The following OFD1 variants were observed in gnomAD, a reference collection of about 807,000 sequenced individuals.
OFD1 encodes the protein OFD1 centriole and centriolar satellite protein.
In OFD1, 12 loss-of-function variants were observed where a neutral mutation model predicts 81.4. The ratio of observed to expected loss-of-function variants is 0.15; its 90% CI spans 0.09 to 0.24. OFD1 has a LOEUF of 0.24. Ranked by LOEUF, OFD1 falls within the 10% of genes least tolerant of loss-of-function variation. OFD1 has a pLI of 1.00. For missense variants in OFD1, 685 were observed against 733.9 expected (o/e 0.93, Z 0.77); for synonymous variants, 256 against 263.7 (o/e 0.97, Z 0.28).
rs772233258 is a variant in OFD1 at position 13,768,781 on chromosome X, G to C, written c.2992G>C (p.Glu998Gln). 1.7e-6 allele frequency: 2 copies of C among 1,200,225 alleles called. No homozygotes were observed. Among genetic ancestry groups the C allele is most frequent in the East Asian group, 3.0e-5 (1 of 33,788 alleles). ...VDTLQSSDKV[E>Q]SLTGFSHEEL... is the part of the protein sequence containing the mutation. Reference sequence around the variant, plus strand: ...CACGCTGCAATCTAGTGACAAAGTCGAAAGGTACCTGTTTTCCCTACACAC... The same window carrying C: ...CACGCTGCAATCTAGTGACAAAGTCCAAAGGTACCTGTTTTCCCTACACAC... The change falls in exon 22 of 23, where the codon GAA becomes CAA. Residue 998 changes from glutamate to glutamine, a missense_variant. By Grantham distance (29) the Glu-to-Gln change is conservative. Around this residue, in one of 3 missense-constraint regions of OFD1, gnomAD observed 259 missense variants for 254.4 expected, o/e 1.02. Coordinates refer to ENST00000340096, the MANE Select transcript of OFD1 (RefSeq NM_003611.3).
chrX:13,746,310 T>A lies in OFD1; in HGVS notation c.518-9T>A. 8.3e-6 allele frequency: 10 copies of A among 1,206,282 alleles called. No homozygotes were observed. The highest frequency in any genetic ancestry group is 1.1e-5 in the Non-Finnish European group (10 of 891,607). On this transcript the variant is annotated splice_polypyrimidine_tract_variant and intron_variant, in intron 6 of 22. Coordinates refer to ENST00000340096, the MANE Select transcript of OFD1 (RefSeq NM_003611.3). Reference sequence around the variant, plus strand: ...CTATGTCCTAATTTGATGTGTTATTTTTTAATAGCTGAGAAGCTTCAGCTT... The same window carrying A: ...CTATGTCCTAATTTGATGTGTTATTATTTAATAGCTGAGAAGCTTCAGCTT...
intron 10 of OFD1, among the ~76,000 whole-genome samples, chrX:13,752,100 T>C (rs1222220307): frequency 8.9e-6 from 1 of 112,242 alleles, no homozygotes; most frequent in Non-Finnish European, 1.9e-5. Context: ...TCAGTGAACA[T>C]GTGCCTTGTA....
chrX:13,728,911 T>A, the OFD1 span, among the ~76,000 whole-genome samples: 1 of 112,154 alleles, frequency 8.9e-6, no homozygotes, highest in East Asian at 2.8e-4. Flanking sequence ...AGTCGCAGGA[T>A]ACAAAATCAA....
chrX:13,742,960 C>T (rs759641936), intron 5 of OFD1, among the ~76,000 whole-genome samples: 1 of 112,022 alleles, frequency 8.9e-6, no homozygotes, highest in South Asian at 3.7e-4. Flanking sequence ...AAAATCTAAT[C>T]CCCTTCCTGA....
In OFD1 at chrX:13,753,761, C is replaced by T. The variant is rs1181184541; in HGVS notation, c.1129+320C>T. ...AGCAGCAACTTATTGCTGTCAAGTA[C>T]GTATTACTCCTAACCATGAGAGACT... is the stretch of plus-strand genomic sequence containing the variant. On this transcript the variant is annotated intron_variant, in intron 11 of 22. Coordinates refer to ENST00000340096, the MANE Select transcript of OFD1 (RefSeq NM_003611.3). 2.7e-5 allele frequency among the ~76,000 whole-genome samples: 3 copies of T among 110,174 alleles called. 1 individual carries two copies. The highest frequency in any genetic ancestry group is 5.7e-5 in the Non-Finnish European group (3 of 52,945).
At chrX:13,741,138 CAAAA>C (rs35393754) in intron 5 of OFD1, among the ~76,000 whole-genome samples, 1 of 97,502 alleles carries the variant, frequency 1.0e-5, no homozygotes, top group Admixed American at 1.1e-4. Context: ...GACTCCGTCT[CAAAA>C]AAAAAAAAAT....
chrX:13,757,616 G>A (rs753280317), intron 13 of OFD1, 44 bp from the exon 14 acceptor site: 6 of 1,177,764 alleles, frequency 5.1e-6, no homozygotes, highest in Non-Finnish European at 6.8e-6. Context: ...GAAAACTTAA[G>A]GTTGGTAATG....
rs2048254943 is a variant in OFD1, at chrX:13,769,262, AGT to A, written c.*160_*161del. On this transcript the variant is annotated 3_prime_UTR_variant, in exon 23 of 23. Coordinates refer to ENST00000340096, the MANE Select transcript of OFD1 (RefSeq NM_003611.3). ...TTTCCATAATTAATTTTGATACCAT[AGT>A]GTGTGAACCAAGAATAATCTAGTCA... is the stretch of plus-strand genomic sequence containing the variant. The A allele has an allele frequency of 2.0e-6, 1 of 506,280 alleles. No individual in the cohort carries two copies. The highest frequency in any genetic ancestry group is 3.4e-5 in the East Asian group (1 of 29,682). 41.7% of individuals were successfully genotyped at this position (506,280 alleles called of 1,213,427 possible). A position where few individuals can be genotyped will look rare whatever the true frequency, so the allele number is the denominator to read the frequency against.
At chrX:13,753,562 T>G (rs374520531) in intron 11 of OFD1, 121 bp downstream of exon 11, 2 of 636,387 alleles carry the variant, frequency 3.1e-6, no homozygotes, top group African/African-American at 2.2e-5. Context: ...TCATACAAAA[T>G]TACACATTTT....
intron 3 of OFD1, among the ~76,000 whole-genome samples, chrX:13,738,315 G>A (rs1325315737): frequency 1.8e-5 from 2 of 112,535 alleles, no homozygotes; most frequent in Admixed American, 1.9e-4. Context: ...TACTTTAAAG[G>A]AAAACCAATT....
At chrX:13,769,544 C>T (rs1223760239), downstream of OFD1, among the ~76,000 whole-genome samples, 1 of 111,340 alleles carries the variant, frequency 9.0e-6, no homozygotes, top group Non-Finnish European at 1.9e-5. Flanking sequence ...TTTTTCTAGG[C>T]ATTAGAAATA....
intron 16 of OFD1, 127 bp downstream of exon 16, chrX:13,760,847 G>A (rs996873298): frequency 5.5e-6 from 5 of 917,072 alleles, no homozygotes; most frequent in African/African-American, 2.0e-5. Context: ...ACACAGAGCT[G>A]TTTAGAGAGT....
In OFD1 at chrX:13,763,906, A is replaced by C. The variant is rs767449543; in HGVS notation, c.2599+51A>C. On this transcript the variant is annotated intron_variant, in intron 19 of 22. Transcript: ENST00000340096. ...TCAGCAGGGTCGCATACTAAATACC[A>C]GTCCGTGTGCTCTGTGAATTATTTC... 32 of 886,604 alleles carry C rather than the reference A, an allele frequency of 3.6e-5. No homozygotes were observed. The Admixed American group carries it at 7.1e-4, about 20-fold the overall frequency. The allele number at this position is 886,604 out of a possible 1,213,427, so 73.1% of individuals were successfully genotyped here. A position where few individuals can be genotyped will look rare whatever the true frequency, so the allele number is the denominator to read the frequency against.
chrX:13,721,498 A>T, the OFD1 span: 1 of 112,113 alleles, frequency 8.9e-6, no homozygotes, highest in Non-Finnish European at 1.9e-5. Flanking sequence ...GAAATCAAGT[A>T]AACCGGGAGT....
chrX:13,744,312 T>G lies in OFD1; in HGVS notation c.413-103T>G, dbSNP rs1463133982. The G allele has an allele frequency of 2.5e-5, 13 of 514,917 alleles. No individual in the cohort carries two copies. In the South Asian group the frequency reaches 3.2e-4, roughly 13 times the overall value. The allele number at this position is 514,917 out of a possible 1,213,427, so 42.4% of individuals were successfully genotyped here. On this transcript the variant is annotated intron_variant, in intron 5 of 22. Transcript: ENST00000340096. ...TTGTCTCTAAAAAAAAGGAAAGATA[T>G]ATAATGTAAAAAATGATAATGTCCT...
intron 5 of OFD1, among the ~76,000 whole-genome samples, chrX:13,741,864 C>T (rs1474859771): frequency 1.8e-5 from 2 of 111,702 alleles, no homozygotes; most frequent in African/African-American, 6.5e-5. Flanking sequence ...CAGAACAAGT[C>T]ATAATGGTGG....
At chrX:13,717,034 T>TAAAAAA in the OFD1 span, among the ~76,000 whole-genome samples, 32 of 37,941 alleles carry the variant, frequency 8.4e-4, 1 homozygote, top group East Asian at 3.1e-3. Context: ...GATACTATGT[T>TAAAAAA]AAAAAAAAAA....
intron 16 of OFD1, 39 bp from the exon 17 acceptor site, chrX:13,761,046 A>G (rs1240622744): frequency 1.2e-5 from 14 of 1,206,513 alleles, no homozygotes; most frequent in Middle Eastern, 2.6e-4. Flanking sequence ...TCTCCGTGCA[A>G]TTGGTAATAT....
intron 8 of OFD1, among the ~76,000 whole-genome samples, chrX:13,747,579 G>GA (rs2047343559): frequency 8.9e-6 from 1 of 111,931 alleles, no homozygotes; most frequent in Non-Finnish European, 1.9e-5. Flanking sequence ...AAGCAGAGGA[G>GA]AGGGCAGGTG....
Sources: allele counts gnomAD v4.1 joint callset (sites outside exome capture counted in the v4.1 genomes callset), GRCh38; gene constraint gnomAD v4.1.1; regional missense constraint gnomAD v4.1.1; transcripts MANE v1.5; gene names NCBI Gene and HGNC (gene_info 2026-07-23, HGNC 2026-07-21).